The following SBF2 variants were observed in gnomAD, a reference collection of about 807,000 sequenced individuals.
The protein encoded by SBF2 is myotubularin-related protein 13.
A neutral mutation model predicts 225.2 loss-of-function variants in SBF2; 112 were observed. The observed-to-expected ratio is 0.50, with a 90% CI of 0.43 to 0.58. The LOEUF is 0.58. Among genes scored for constraint, SBF2 ranks in the 20% least tolerant of loss-of-function variants. SBF2 has a pLI of 0.00. For missense variants in SBF2, 1,996 were observed against 2,206.2 expected (o/e 0.90, Z 1.91); for synonymous variants, 763 against 773.3 (o/e 0.99, Z 0.22).
chr11:9,983,853 G>A (rs1485357193), intron 13 of SBF2, among the ~76,000 whole-genome samples: 2 of 152,138 alleles, frequency 1.3e-5, no homozygotes, highest in African/African-American at 2.4e-5. Context: ...CGGCTCACAG[G>A]GAGTCACATC....
chr11:10,218,126 C>T (rs1219727378), intron 1 of SBF2, among the ~76,000 whole-genome samples: 1 of 152,116 alleles, frequency 6.6e-6, no homozygotes, highest in Non-Finnish European at 1.5e-5. Context: ...TCTCGAACTA[C>T]TGACCTCAAA....
intron 13 of SBF2, among the ~76,000 whole-genome samples, chr11:9,984,398 A>G (rs1405192531): frequency 1.3e-5 from 2 of 152,152 alleles, no homozygotes; most frequent in African/African-American, 4.8e-5. Context: ...AGGGTAAGAA[A>G]ATATGAACAA....
intron 1 of SBF2, among the ~76,000 whole-genome samples, chr11:10,304,131 T>A (rs568817167): frequency 1.3e-5 from 2 of 152,220 alleles, no homozygotes; most frequent in Admixed American, 1.3e-4. Context: ...GGAAAAGGAA[T>A]GTTACCTTCC....
chr11:9,950,740 G>A (rs557978032), intron 16 of SBF2, among the ~76,000 whole-genome samples: 7 of 152,288 alleles, frequency 4.6e-5, no homozygotes, highest in Admixed American at 2.0e-4. Context: ...AGCTTGGCTC[G>A]GGTTGATGAT....
chr11:9,842,834 A>G, intron 24 of SBF2, 64 bp from the exon 25 acceptor site: 2 of 1,530,408 alleles, frequency 1.3e-6, no homozygotes, highest in Non-Finnish European at 1.8e-6. Context: ...TATTGTTGAC[A>G]CCTACTTAGC....
At chr11:10,196,837 A>AATATATATAT (rs71313475) in intron 1 of SBF2, among the ~76,000 whole-genome samples, 2 of 83,508 alleles carry the variant, frequency 2.4e-5, no homozygotes, top group African/African-American at 4.3e-5. Context: ...TTCTTGCATA[A>AATATATATAT]ATATATATAT....
chr11:9,959,152 C>G (rs1866391775), intron 16 of SBF2: 3 of 876,782 alleles, frequency 3.4e-6, no homozygotes, highest in Non-Finnish European at 5.8e-6. Context: ...ACAGGTCACC[C>G]AGAGATGATC....
intron 6 of SBF2, among the ~76,000 whole-genome samples, chr11:10,022,302 T>A (rs563382842): frequency 6.6e-6 from 1 of 152,156 alleles, no homozygotes; most frequent in Non-Finnish European, 1.5e-5. Context: ...CCAGAATCAA[T>A]ACACATCAGC....
chr11:10,105,394 TAGAA>T (rs1220464669), intron 2 of SBF2, among the ~76,000 whole-genome samples: 15 of 152,332 alleles, frequency 9.8e-5, no homozygotes, highest in East Asian at 5.8e-4. Context: ...AACATGATGA[TAGAA>T]AGAAACATAC....
At chr11:9,982,014 T>C (rs571133125) in intron 13 of SBF2, among the ~76,000 whole-genome samples, 5 of 152,342 alleles carry the variant, frequency 3.3e-5, no homozygotes, top group Admixed American at 6.5e-5. Context: ...CATATGAATA[T>C]AATCTCTGTC....
chr11:10,171,276 C>G (rs1473140653), intron 2 of SBF2, among the ~76,000 whole-genome samples: 2 of 152,102 alleles, frequency 1.3e-5, no homozygotes, highest in East Asian at 1.9e-4. Context: ...AGCTGTGAAT[C>G]TGTTGTATAT....
intron 17 of SBF2, among the ~76,000 whole-genome samples, chr11:9,870,556 C>T (rs1416696033): frequency 2.0e-5 from 3 of 152,194 alleles, no homozygotes; most frequent in Non-Finnish European, 4.4e-5. Flanking sequence ...GACCACACAC[C>T]TACAACCATC....
At chr11:9,815,704 C>G (rs1361292331) in intron 29 of SBF2, among the ~76,000 whole-genome samples, 1 of 152,156 alleles carries the variant, frequency 6.6e-6, no homozygotes, top group Non-Finnish European at 1.5e-5. Context: ...AAAGTCTGTG[C>G]TCTGGAAAAG....
intron 1 of SBF2, among the ~76,000 whole-genome samples, chr11:10,256,384 A>T (rs1373699134): frequency 6.6e-6 from 1 of 152,224 alleles, no homozygotes; most frequent in Non-Finnish European, 1.5e-5. Flanking sequence ...AAGAAAGATA[A>T]GATTGATTTA....
intron 2 of SBF2, among the ~76,000 whole-genome samples, chr11:10,183,081 T>G (rs1352068578): frequency 6.6e-6 from 1 of 152,196 alleles, no homozygotes; most frequent in African/African-American, 2.4e-5. Flanking sequence ...AGTTTTTCTA[T>G]GCTTTGTGGA....
rs1445719197 is a variant in SBF2, at chr11:9,988,276, G to C, written c.1395+1221C>G. ...CAAAAATCAACTCAATATGGATTAA[G>C]GACTTAAAACCTAGGACCTGAAACT... On this transcript the variant is annotated intron_variant, in intron 13 of 39. Coordinates refer to ENST00000256190, the MANE Select transcript of SBF2 (RefSeq NM_030962.4). Among the ~76,000 whole-genome samples, 3 of 152,080 alleles carry C rather than the reference G, an allele frequency of 2.0e-5. No individual in the cohort carries two copies. The East Asian group carries it at 5.8e-4, about 29-fold the overall frequency.
At chr11:10,230,492 T>C (rs1223399408) in intron 1 of SBF2, among the ~76,000 whole-genome samples, 3 of 152,166 alleles carry the variant, frequency 2.0e-5, no homozygotes, top group East Asian at 3.8e-4. Flanking sequence ...AGGAGCTCTT[T>C]TAGGGCAGGC....
intron 6 of SBF2, among the ~76,000 whole-genome samples, chr11:10,012,923 T>C (rs1376049748): frequency 6.6e-6 from 1 of 152,190 alleles, no homozygotes; most frequent in African/African-American, 2.4e-5. Context: ...TGTGTTTGCA[T>C]GGTTCACTTG....
At chr11:9,936,791 G>A (rs1317942075) in intron 16 of SBF2, among the ~76,000 whole-genome samples, 2 of 152,152 alleles carry the variant, frequency 1.3e-5, no homozygotes, top group African/African-American at 4.8e-5. Context: ...ATCACACACT[G>A]GGGCCTGTCA....
Sources: allele counts gnomAD v4.1 joint callset (sites outside exome capture counted in the v4.1 genomes callset), GRCh38; gene constraint gnomAD v4.1.1; transcripts MANE v1.5; gene names NCBI Gene and HGNC (gene_info 2026-07-23, HGNC 2026-07-21).